The following CADM2 variants were observed in gnomAD, a reference collection of about 807,000 sequenced individuals.
CADM2 encodes immunoglobulin superfamily member 4D.
In CADM2, 12 loss-of-function variants were observed where a neutral mutation model predicts 49.8. The ratio of observed to expected loss-of-function variants is 0.24; its 90% confidence interval spans 0.15 to 0.39. CADM2 has a LOEUF of 0.39. CADM2 is among the 10% of genes least tolerant of loss of function. CADM2 has a pLI of 1.00. For missense variants in CADM2, 378 were observed against 492.3 expected (o/e 0.77, Z 2.20); for synonymous variants, 214 against 175.4 (o/e 1.22, Z -1.74).
intron 1 of CADM2, among the ~76,000 whole-genome samples, chr3:85,220,613 A>T (rs548619374): frequency 6.6e-6 from 1 of 152,252 alleles, no homozygotes; most frequent in African/African-American, 2.4e-5. Flanking sequence ...GTCATATTAA[A>T]TTTAAATCTC....
intron 1 of CADM2, among the ~76,000 whole-genome samples, chr3:85,377,946 A>G (rs1200700421): frequency 6.6e-6 from 1 of 152,068 alleles, no homozygotes; most frequent in Non-Finnish European, 1.5e-5. Context: ...GCAGTACATG[A>G]TAGCTTTGTA....
At chr3:85,955,401 T>A (rs890592028) in intron 7 of CADM2, among the ~76,000 whole-genome samples, 3 of 151,568 alleles carry the variant, frequency 2.0e-5, no homozygotes, top group South Asian at 4.2e-4. Flanking sequence ...AGGAAGATTC[T>A]TTTCCTAGGA....
chr3:85,638,435 A>G (rs544847212), intron 1 of CADM2, among the ~76,000 whole-genome samples: 3 of 152,234 alleles, frequency 2.0e-5, no homozygotes, highest in Admixed American at 2.0e-4. Flanking sequence ...TCAAACATTG[A>G]ACATTTGGTT....
chr3:85,699,361 G>A (rs1303414041), intron 1 of CADM2, among the ~76,000 whole-genome samples: 1 of 152,148 alleles, frequency 6.6e-6, no homozygotes, highest in Non-Finnish European at 1.5e-5. Flanking sequence ...TCTGTGTGGG[G>A]CTCCAACCCC....
In CADM2 at chr3:85,802,068, T is replaced by G; in HGVS notation, c.110T>G (p.Leu37Arg). The G allele has an allele frequency of 1.2e-6, 2 of 1,611,192 alleles. No individual in the cohort carries two copies. The highest frequency in any genetic ancestry group is 1.7e-6 in the Non-Finnish European group (2 of 1,178,512). Residue 37 changes from leucine to arginine, a missense_variant, in exon 3 of 10, where the codon CTA becomes CGA. Physicochemically the swap from Leu to Arg is moderately radical, Grantham distance 102. Transcript: ENST00000383699. ...KVKGSQGQFP[L>R]TQNVTVVEGG... Reference sequence around the variant, plus strand: ...TTAGGCAGCCAAGGGCAGTTTCCACTAACACAGAATGTAACCGTTGTTGAA... The same window carrying G: ...TTAGGCAGCCAAGGGCAGTTTCCACGAACACAGAATGTAACCGTTGTTGAA...
intron 2 of CADM2, among the ~76,000 whole-genome samples, chr3:85,760,566 A>C (rs567871221): frequency 6.6e-6 from 1 of 152,280 alleles, no homozygotes; most frequent in African/African-American, 2.4e-5. Flanking sequence ...TTCATCATAA[A>C]AGAACATAAG....
intron 1 of CADM2, among the ~76,000 whole-genome samples, chr3:85,706,111 G>A (rs2066940909): frequency 6.6e-6 from 1 of 152,118 alleles, no homozygotes; most frequent in African/African-American, 2.4e-5. Flanking sequence ...GAATTGCTCA[G>A]ATAATCTTCC....
chr3:85,249,043 C>G (rs1478514221), intron 1 of CADM2, among the ~76,000 whole-genome samples: 2 of 152,076 alleles, frequency 1.3e-5, no homozygotes, highest in African/African-American at 4.8e-5. Context: ...ATTTTTTTGT[C>G]AAGCCTATTT....
chr3:85,972,070 G>T (rs1284397044), intron 8 of CADM2, among the ~76,000 whole-genome samples: 1 of 151,604 alleles, frequency 6.6e-6, no homozygotes, highest in Non-Finnish European at 1.5e-5. Flanking sequence ...GCGTGTACTG[G>T]TGAGTTGGGA....
chr3:86,033,205 A>T (rs1734750391), intron 8 of CADM2, among the ~76,000 whole-genome samples: 1 of 151,940 alleles, frequency 6.6e-6, no homozygotes, highest in Non-Finnish European at 1.5e-5. Context: ...CTCACTCATC[A>T]CAGTCACCAA....
intron 5 of CADM2, among the ~76,000 whole-genome samples, chr3:85,898,937 G>GTGTGTGTATATATA (rs796467067): frequency 2.1e-5 from 1 of 46,680 alleles, no homozygotes; most frequent in African/African-American, 1.1e-4. Context: ...CATTTATTGT[G>GTGTGTGTATATATA]TATATATATA....
intron 1 of CADM2, among the ~76,000 whole-genome samples, chr3:85,487,195 A>C (rs183221491): frequency 1.6e-4 from 25 of 152,176 alleles, no homozygotes; most frequent in Admixed American, 1.6e-3. Flanking sequence ...CCTAAGCTAC[A>C]TTTGAACAAG....
rs547555353 is a variant in CADM2 at position 85,122,026 on chromosome 3, T to A, written c.61+162358T>A. Among the ~76,000 whole-genome samples the A allele has an allele frequency of 2.8e-3, 425 of 150,496 alleles. 2 individuals are homozygous for A. The highest frequency in any genetic ancestry group is 9.9e-3 in the African/African-American group (407 of 41,148). On this transcript the variant is annotated intron_variant, in intron 1 of 9. Coordinates refer to ENST00000383699, the MANE Select transcript of CADM2 (RefSeq NM_001167675.2). ...TTCACTTTTACATTTGATCTCATCTTTTTTTTTTGTCAACAGCTACATTAC... is the reference window on the plus strand; with the variant it reads ...TTCACTTTTACATTTGATCTCATCTATTTTTTTTGTCAACAGCTACATTAC...
intron 1 of CADM2, among the ~76,000 whole-genome samples, chr3:85,624,425 C>G (rs550832703): frequency 6.1e-4 from 93 of 152,140 alleles, no homozygotes; most frequent in African/African-American, 2.1e-3. Flanking sequence ...CTCCACCTCC[C>G]AGGTTCAAGC....
At chr3:85,750,263 TTGACATCCAGATAGCATTTGC>T (rs1467094312) in intron 2 of CADM2, among the ~76,000 whole-genome samples, 1 of 152,038 alleles carries the variant, frequency 6.6e-6, no homozygotes, top group African/African-American at 2.4e-5. Flanking sequence ...TGAGTTTATT[TTGACATCCAGATAGCATTTGC>T]TGAAATGTGA....
intron 7 of CADM2, among the ~76,000 whole-genome samples, chr3:85,938,143 G>A (rs1432911259): frequency 1.3e-5 from 2 of 151,888 alleles, no homozygotes; most frequent in Non-Finnish European, 2.9e-5. Flanking sequence ...TATTTTTACA[G>A]TAACTGTCTT....
At chr3:85,620,127 C>T (rs191698664) in intron 1 of CADM2, among the ~76,000 whole-genome samples, 2 of 152,054 alleles carry the variant, frequency 1.3e-5, no homozygotes, top group Non-Finnish European at 2.9e-5. Context: ...TGGTCAAGTC[C>T]TTGGGTACCA....
chr3:85,972,103 A>G (rs1052803897), intron 8 of CADM2, among the ~76,000 whole-genome samples: 7 of 151,664 alleles, frequency 4.6e-5, no homozygotes, highest in African/African-American at 1.7e-4. Flanking sequence ...GGTGGTTATC[A>G]TTTAAGTAAG....
chr3:85,706,472 T>C (rs957181404), intron 1 of CADM2, among the ~76,000 whole-genome samples: 5 of 152,200 alleles, frequency 3.3e-5, no homozygotes, highest in Non-Finnish European at 5.9e-5. Flanking sequence ...ACATTCACAT[T>C]CCTAATGATA....
Sources: allele counts gnomAD v4.1 joint callset (sites outside exome capture counted in the v4.1 genomes callset), GRCh38; gene constraint gnomAD v4.1.1; transcripts MANE v1.5; gene names NCBI Gene and HGNC (gene_info 2026-07-23, HGNC 2026-07-21).